Variants in NCAM2 observed in about 807,000 individuals in gnomAD.
NCAM2 encodes N-CAM-2.
A neutral mutation model predicts 98.1 loss-of-function variants in NCAM2; 30 were observed. That is an observed-to-expected ratio of 0.31 (90% CI 0.23 to 0.41). The LOEUF (loss-of-function observed/expected upper bound fraction) is 0.41. Among genes scored for constraint, NCAM2 ranks in the 10% least tolerant of loss-of-function variants. The pLI is 1.00. For synonymous variants in NCAM2, 368 were observed against 342.4 expected (o/e 1.07, Z -0.83); for missense variants, 867 against 1,005.8 (o/e 0.86, Z 1.87).
At chr21:21,484,396 TTTA>T (rs1986167308) in intron 15 of NCAM2, among the ~76,000 whole-genome samples, 1 of 152,154 alleles carries the variant, frequency 6.6e-6, no homozygotes, top group Non-Finnish European at 1.5e-5. Flanking sequence ...AACTCTACCC[TTTA>T]TTTTCTTAAT....
At position 21,540,284 on chromosome 21, in the gene NCAM2, C is replaced by CAT. The variant is rs1990180391; in HGVS notation, c.*2335_*2336dup. Reference sequence around the variant, plus strand: ...ATATATACACATATATATATATACACATATATATACATATATATATATGAT... The same window carrying CAT: ...ATATATACACATATATATATATACACATATATATATACATATATATATATGAT... On this transcript the variant is annotated 3_prime_UTR_variant, in exon 18 of 18. Coordinates refer to ENST00000400546, the MANE Select transcript of NCAM2 (RefSeq NM_004540.5). 9.2e-6 allele frequency: 1 copy of CAT among 108,304 alleles called. No homozygotes were observed. Among genetic ancestry groups the CAT allele is most frequent in the South Asian group, 2.4e-4 (1 of 4,136 alleles). The allele number at this position is 108,304 out of a possible 1,614,324, so 6.7% of individuals were successfully genotyped here.
intron 5 of NCAM2, among the ~76,000 whole-genome samples, chr21:21,316,835 C>A (rs190121452): frequency 6.6e-6 from 1 of 152,074 alleles, no homozygotes; most frequent in South Asian, 2.1e-4. Flanking sequence ...TTAGCCACCG[C>A]GCCCGGCCAT....
intron 1 of NCAM2, among the ~76,000 whole-genome samples, chr21:21,186,667 CAT>C (rs2068649788): frequency 6.6e-6 from 1 of 152,030 alleles, no homozygotes; most frequent in South Asian, 2.1e-4. Flanking sequence ...TGGACATAAA[CAT>C]GATTTATCTG....
At position 21,125,429 on chromosome 21, in the gene NCAM2, A is replaced by G. The variant is rs537724606; in HGVS notation, c.55+126811A>G. The stretch of plus-strand genomic sequence containing the variant: ...TATAATATTTTACATATATTCATAC[A>G]TATGTAATATATAATGTATTACATA... On this transcript the variant is annotated intron_variant, in intron 1 of 17. Transcript: ENST00000400546. 6.2e-3 allele frequency among the ~76,000 whole-genome samples: 8 copies of G among 1,294 alleles called. 1 individual carries two copies. Among genetic ancestry groups the G allele is most frequent in the Admixed American group, 0.02 (1 of 50 alleles). 0.8% of individuals were successfully genotyped at this position (1,294 alleles called of 152,430 possible). A position where few individuals can be genotyped will look rare whatever the true frequency, so the allele number is the denominator to read the frequency against.
At chr21:21,233,002 C>G (rs2070688789) in intron 1 of NCAM2, among the ~76,000 whole-genome samples, 1 of 151,458 alleles carries the variant, frequency 6.6e-6, no homozygotes, top group South Asian at 2.1e-4. Context: ...AGTTGCTTTT[C>G]CTGAAATGTT....
chr21:21,050,917 A>G (rs1435041884), intron 1 of NCAM2, among the ~76,000 whole-genome samples: 1 of 152,206 alleles, frequency 6.6e-6, no homozygotes, highest in Non-Finnish European at 1.5e-5. Flanking sequence ...GGAAATAGTT[A>G]AATATTTATT....
intron 10 of NCAM2, 81 bp from the exon 11 acceptor site, chr21:21,418,392 A>T (rs1210995505): frequency 1.0e-6 from 1 of 963,012 alleles, no homozygotes; most frequent in Non-Finnish European, 1.7e-6. Flanking sequence ...AAATGTGTGA[A>T]AGTGGTAGTC....
At chr21:21,063,791 T>C (rs2146337464) in intron 1 of NCAM2, among the ~76,000 whole-genome samples, 1 of 152,320 alleles carries the variant, frequency 6.6e-6, no homozygotes, top group African/African-American at 2.4e-5. Flanking sequence ...TGATTTTTTT[T>C]CTCTATGTGT....
chr21:21,542,972 A>G lies in NCAM2; in HGVS notation c.*5015A>G, dbSNP rs1990291100. 6.6e-6 allele frequency: 1 copy of G among 150,840 alleles called. No individual in the cohort carries two copies. Among genetic ancestry groups the G allele is most frequent in the Non-Finnish European group, 1.5e-5 (1 of 67,708 alleles). 9.3% of individuals were successfully genotyped at this position (150,840 alleles called of 1,614,324 possible). A position where few individuals can be genotyped will look rare whatever the true frequency, so the allele number is the denominator to read the frequency against. ...TTCATGGTTTAGCATTTGCCTCTAA[A>G]CCCTGTTAGAAATATGTGAAGTTAG... On this transcript the variant is annotated 3_prime_UTR_variant, in exon 18 of 18. Transcript: ENST00000400546.
In NCAM2 at chr21:21,035,900, T is replaced by C. The variant is rs116763638; in HGVS notation, c.55+37282T>C. On this transcript the variant is annotated intron_variant, in intron 1 of 17. Coordinates refer to ENST00000400546, the MANE Select transcript of NCAM2 (RefSeq NM_004540.5). ...TTGACAAATCAACTTATTTATTTTC[T>C]GTGGCCTATAGCAATTTAACATATC... is the stretch of plus-strand genomic sequence containing the variant. 7.8e-3 allele frequency among the ~76,000 whole-genome samples: 1,186 copies of C among 152,288 alleles called. 7 individuals carry two copies. Among genetic ancestry groups the C allele is most frequent in the African/African-American group, 0.027 (1,141 of 41,572 alleles).
chr21:21,086,245 G>T (rs2065903790), intron 1 of NCAM2, among the ~76,000 whole-genome samples: 1 of 152,150 alleles, frequency 6.6e-6, no homozygotes, highest in Non-Finnish European at 1.5e-5. Context: ...TGGATGCTTT[G>T]CATGACCATG....
At chr21:21,456,685 C>G (rs913031077) in intron 12 of NCAM2, among the ~76,000 whole-genome samples, 4 of 152,078 alleles carry the variant, frequency 2.6e-5, no homozygotes, top group Admixed American at 2.6e-4. Context: ...GTTTGGTACC[C>G]TCAAAATTTA....
At chr21:21,409,011 A>T (rs375410067) in intron 9 of NCAM2, among the ~76,000 whole-genome samples, 7 of 151,240 alleles carry the variant, frequency 4.6e-5, no homozygotes, top group South Asian at 2.1e-4. Flanking sequence ...TTAAAAGTTA[A>T]ATGACTTAAA....
At chr21:21,473,908 A>AG (rs1984810030) in intron 14 of NCAM2, among the ~76,000 whole-genome samples, 1 of 151,478 alleles carries the variant, frequency 6.6e-6, no homozygotes, top group Admixed American at 6.6e-5. Flanking sequence ...CTGACCAAAA[A>AG]AAAAAAAAAG....
At chr21:21,413,176 T>TACAA (rs1157892194) in intron 10 of NCAM2, among the ~76,000 whole-genome samples, 1 of 152,122 alleles carries the variant, frequency 6.6e-6, no homozygotes, top group Non-Finnish European at 1.5e-5. Context: ...CTGAGGAAAT[T>TACAA]ACAAAACTTT....
At chr21:21,304,993 A>G (rs2073835596) in intron 5 of NCAM2, among the ~76,000 whole-genome samples, 1 of 152,182 alleles carries the variant, frequency 6.6e-6, no homozygotes, top group Non-Finnish European at 1.5e-5. Flanking sequence ...TAATTAGCTT[A>G]TGGTTCCGTA....
chr21:21,133,386 T>C (rs2066975757), intron 1 of NCAM2, among the ~76,000 whole-genome samples: 2 of 152,302 alleles, frequency 1.3e-5, no homozygotes, highest in South Asian at 4.1e-4. Context: ...AATGAGCACA[T>C]GGGCTGATCG....
chr21:21,405,321 G>A (rs1336761549), intron 9 of NCAM2, among the ~76,000 whole-genome samples: 6 of 152,004 alleles, frequency 3.9e-5, no homozygotes, highest in African/African-American at 7.2e-5. Context: ...AATGATGGGA[G>A]CATTGTAATA....
intron 8 of NCAM2, among the ~76,000 whole-genome samples, chr21:21,364,102 T>G (rs2148007154): frequency 6.6e-6 from 1 of 152,136 alleles, no homozygotes; most frequent in Admixed American, 6.6e-5. Context: ...TTTCCACACT[T>G]TTAGTTTTTA....
Sources: gnomAD v4.1 joint callset for allele counts (sites outside exome capture counted in the v4.1 genomes callset) on GRCh38, gnomAD v4.1.1 for gene constraint, MANE v1.5 for transcripts, NCBI Gene and HGNC (gene_info 2026-07-23, HGNC 2026-07-21) for gene names.